Variants in DDX50 observed in about 807,000 individuals in gnomAD.
The protein encoded by DDX50 is DExD-box helicase 50, also known as ATP-dependent RNA helicase DDX50.
DDX50 carries 56 observed loss-of-function variants against 94.8 expected under a neutral mutation model. That is an observed-to-expected ratio of 0.59 (90% CI 0.48 to 0.74). The LOEUF (loss-of-function observed/expected upper bound fraction) is 0.74. DDX50 is among the 30% of genes least tolerant of loss of function. The pLI, the probability that DDX50 is intolerant of heterozygous loss-of-function variation, is 0.00. For missense variants in DDX50, 713 were observed against 881.2 expected, an observed-to-expected ratio of 0.81 and a Z score of 2.42; for synonymous variants, 264 against 295.4, an observed-to-expected ratio of 0.89 and a Z score of 1.09.
chr10:68,910,329 A>G lies in DDX50; in HGVS notation c.407A>G (p.Glu136Gly), dbSNP rs1176888444. 1.2e-6 allele frequency: 2 copies of G among 1,607,992 alleles called. No individual in the cohort carries two copies. Among genetic ancestry groups the G allele is most frequent in the Non-Finnish European group, 1.7e-6 (2 of 1,178,466 alleles). Reference sequence around the variant, plus strand: ...CAGACCTTAACACGTGAACAGAAAGAAGGAGCCTTCTCCAATTTTCCTATT... The same window carrying G: ...CAGACCTTAACACGTGAACAGAAAGGAGGAGCCTTCTCCAATTTTCCTATT... Reference protein sequence around the residue: ...LEETLTREQKEGAFSNFPISE... With the variant: ...LEETLTREQKGGAFSNFPISE... The change falls in exon 3 of 15, where the codon GAA (glutamate) becomes GGA (glycine). Residue 136 changes from glutamate to glycine, a missense_variant. Transcript: ENST00000373585.
chr10:68,910,465 C>CA, intron 3 of DDX50, 83 bp downstream of exon 3: 8 of 1,147,824 alleles, frequency 7.0e-6, no homozygotes, highest in South Asian at 1.5e-5. Flanking sequence ...TGCAGTGGGG[C>CA]AGTCTTGGCT....
At chr10:68,904,624 T>G (rs746707149) in intron 1 of DDX50, among the ~76,000 whole-genome samples, 1 of 152,166 alleles carries the variant, frequency 6.6e-6, no homozygotes, top group Non-Finnish European at 1.5e-5. Context: ...TGCCAAGCAT[T>G]GTGGGTCTAA....
intron 1 of DDX50, among the ~76,000 whole-genome samples, chr10:68,902,095 A>G (rs539326605): frequency 6.6e-5 from 10 of 151,528 alleles, no homozygotes; most frequent in African/African-American, 2.2e-4. Flanking sequence ...GCTGAGTACC[A>G]AGGAGGTTAA....
At chr10:68,917,663 C>T (rs1841834607) in intron 7 of DDX50, among the ~76,000 whole-genome samples, 1 of 152,172 alleles carries the variant, frequency 6.6e-6, no homozygotes, top group Admixed American at 6.5e-5. Flanking sequence ...TGCAGTGTGG[C>T]ATGATCTCAG....
At chr10:68,923,794 T>C (rs1420304520) in intron 8 of DDX50, among the ~76,000 whole-genome samples, 1 of 151,864 alleles carries the variant, frequency 6.6e-6, no homozygotes, top group African/African-American at 2.4e-5. Flanking sequence ...TCGTTTTGCC[T>C]CGGCTTCCCA....
intron 8 of DDX50, among the ~76,000 whole-genome samples, chr10:68,920,231 G>A (rs996226312): frequency 2.6e-5 from 4 of 152,104 alleles, no homozygotes; most frequent in Non-Finnish European, 5.9e-5. Flanking sequence ...GGACAATCAT[G>A]GCTCACTGCA....
At chr10:68,912,416 G>C (rs1404948878) in intron 4 of DDX50, among the ~76,000 whole-genome samples, 1 of 152,042 alleles carries the variant, frequency 6.6e-6, no homozygotes, top group Admixed American at 6.6e-5. Flanking sequence ...GTCTCATTCT[G>C]TAGTCCAGGC....
At chr10:68,936,683 A>G (rs992620831) in intron 11 of DDX50, among the ~76,000 whole-genome samples, 4 of 150,586 alleles carry the variant, frequency 2.7e-5, no homozygotes, top group African/African-American at 9.8e-5. Context: ...TACAAAAAAT[A>G]CAAAGATTAG....
intron 12 of DDX50, among the ~76,000 whole-genome samples, chr10:68,939,990 T>G (rs544517848): frequency 2.0e-5 from 3 of 152,296 alleles, no homozygotes; most frequent in African/African-American, 7.2e-5. Context: ...CAATAAATAT[T>G]TGTTTGCTGA....
chr10:68,913,015 CTT>C (rs1304398868), intron 4 of DDX50, 145 bp from the exon 5 acceptor site: 2 of 645,878 alleles, frequency 3.1e-6, no homozygotes, highest in Non-Finnish European at 5.3e-6. Flanking sequence ...GCTGCTGTTC[CTT>C]TTGCTATTTG....
chr10:68,907,331 T>TG (rs1235430363), intron 2 of DDX50, among the ~76,000 whole-genome samples: 1 of 150,700 alleles, frequency 6.6e-6, no homozygotes, highest in Non-Finnish European at 1.5e-5. Context: ...TTTTTTTTTT[T>TG]TTGAGTCAGA....
At chr10:68,917,926 A>G (rs1286709291) in intron 7 of DDX50, among the ~76,000 whole-genome samples, 4 of 150,174 alleles carry the variant, frequency 2.7e-5, no homozygotes, top group Non-Finnish European at 3.0e-5. Flanking sequence ...TTTAACATAC[A>G]TATCTTTTTT....
At chr10:68,924,274 A>T (rs1024775611) in intron 8 of DDX50, among the ~76,000 whole-genome samples, 4 of 147,106 alleles carry the variant, frequency 2.7e-5, no homozygotes, top group Admixed American at 1.4e-4. Flanking sequence ...GTCTGCCAAA[A>T]TTTTTTTTTT....
At chr10:68,944,503 T>A (rs1312782274) in intron 14 of DDX50, among the ~76,000 whole-genome samples, 1 of 152,164 alleles carries the variant, frequency 6.6e-6, no homozygotes, top group Non-Finnish European at 1.5e-5. Context: ...CACATTTTTG[T>A]GTCAATAACA....
At chr10:68,944,671 C>G (rs764853599) in intron 14 of DDX50, among the ~76,000 whole-genome samples, 2 of 152,082 alleles carry the variant, frequency 1.3e-5, no homozygotes, top group African/African-American at 4.8e-5. Flanking sequence ...CTCAGCCTCC[C>G]GAGTAGCTGG....
chr10:68,934,883 G>GA lies in DDX50; in HGVS notation c.1489dup (p.Arg497LysfsTer16). ...TTGTATATGTTTTTATCAACCAAGA[G>GA]AAAGAGGTCAACTAAGATATGTGGA... On this transcript the variant is annotated frameshift_variant, in exon 10 of 15. Coordinates refer to ENST00000373585, the MANE Select transcript of DDX50 (RefSeq NM_024045.2). LOFTEE classifies it high-confidence loss of function. The surrounding 1 kb of genome is among the most constrained non-coding windows in gnomAD (Gnocchi z 4.0). The GA allele has an allele frequency of 6.2e-7, 1 of 1,613,136 alleles. No homozygotes were observed. The highest frequency in any genetic ancestry group is 1.1e-5 in the South Asian group (1 of 90,928).
intron 1 of DDX50, among the ~76,000 whole-genome samples, chr10:68,903,438 C>T (rs376750443): frequency 5.3e-5 from 8 of 151,284 alleles, no homozygotes; most frequent in Non-Finnish European, 8.8e-5. Flanking sequence ...GAGGCTGAGG[C>T]GGGTGGATCG....
intron 8 of DDX50, among the ~76,000 whole-genome samples, chr10:68,926,002 A>G (rs1356910184): frequency 1.6e-5 from 2 of 127,296 alleles, no homozygotes; most frequent in Non-Finnish European, 3.5e-5. Context: ...CAACAGAGCA[A>G]GACTCTGTCT....
intron 8 of DDX50, among the ~76,000 whole-genome samples, chr10:68,931,409 A>G (rs1429793727): frequency 1.5e-3 from 112 of 72,836 alleles, no homozygotes; most frequent in African/African-American, 4.7e-3. Flanking sequence ...ATATATATAT[A>G]TGTATATATA....
Sources: allele counts gnomAD v4.1 joint callset (sites outside exome capture counted in the v4.1 genomes callset), GRCh38; gene constraint gnomAD v4.1.1; non-coding constraint Gnocchi (gnomAD v3.1); transcripts MANE v1.5; gene names NCBI Gene and HGNC (gene_info 2026-07-23, HGNC 2026-07-21).